Variants in MC4R observed in about 807,000 individuals in gnomAD.
MC4R encodes the protein melanocortin receptor 4.
MC4R carries 15 observed loss-of-function variants against 16.1 expected under a neutral mutation model. That is an observed-to-expected ratio of 0.93 (90% CI 0.62 to 1.44). The LOEUF (loss-of-function observed/expected upper bound fraction) is 1.44, where lower values mean the gene tolerates loss of function less well. Among genes scored for constraint, MC4R ranks in the 40% most tolerant of loss-of-function variants. The pLI is 0.00. For missense variants in MC4R, 416 were observed against 411.4 expected (o/e 1.01, Z -0.10); for synonymous variants, 162 against 151.7 (o/e 1.07, Z -0.50).
chr18:60,372,661 A>G lies in MC4R; in HGVS notation c.-312T>C, dbSNP rs562503589. ...TAATCTTATGCATTCAAGTCTGTTC[A>G]AAATAATTTTCCTTGAAGCTGCCAT... On this transcript the variant is annotated 5_prime_UTR_variant, in exon 1 of 1. The change abolishes the stop of an existing upstream ORF in the 5' untranslated region. Transcript: ENST00000299766. 3 of 400,238 alleles carry G rather than the reference A, an allele frequency of 7.5e-6. No homozygotes were observed. The highest frequency in any genetic ancestry group is 1.5e-5 in the Non-Finnish European group (3 of 204,352). 24.8% of individuals were successfully genotyped at this position (400,238 alleles called of 1,614,324 possible).
Position 60,372,494 on chromosome 18 carries a change from TC to T in MC4R, c.-146del. On this transcript the variant is annotated 5_prime_UTR_variant, in exon 1 of 1. It introduces an in-frame stop codon into an upstream open reading frame of the 5' UTR. Coordinates refer to ENST00000299766, the MANE Select transcript of MC4R (RefSeq NM_005912.3). Reference sequence around the variant, plus strand: ...GCCTGCTGTGAGTAAATGTCACAAGTCCAGAGCTTGACATGGAGTTTTTAGT... The same window carrying T: ...GCCTGCTGTGAGTAAATGTCACAAGTCAGAGCTTGACATGGAGTTTTTAGT... The T allele has an allele frequency of 1.2e-6, 1 of 818,140 alleles. No homozygotes were observed. The highest frequency in any genetic ancestry group is 2.1e-6 in the Non-Finnish European group (1 of 483,018). 50.7% of individuals were successfully genotyped at this position (818,140 alleles called of 1,614,324 possible).
Position 60,371,720 on chromosome 18 carries a change from A to G in MC4R, c.630T>C (p.Ser210=). 1 of 1,614,176 alleles carries G rather than the reference A, an allele frequency of 6.2e-7. No homozygotes were observed. Among genetic ancestry groups the G allele is most frequent in the Non-Finnish European group, 8.5e-7 (1 of 1,180,018 alleles). ...MFFTMLALMA[S]LYVHMFLMAR... is the part of the protein sequence containing the mutation. ...CCATCAGGAACATGTGGACATAGAG[A>G]GAAGCCATGAGAGCCAGCATGGTGA... Residue 210 remains serine, a synonymous_variant, in exon 1 of 1, where the codon TCT becomes TCC. Transcript: ENST00000299766.
In MC4R at chr18:60,372,417, T is replaced by C; in HGVS notation, c.-68A>G. 6.5e-7 allele frequency: 1 copy of C among 1,548,850 alleles called. No individual in the cohort carries two copies. On this transcript the variant is annotated 5_prime_UTR_variant, in exon 1 of 1. In the 5' UTR this introduces an upstream ATG that the reference lacks. Coordinates refer to ENST00000299766, the MANE Select transcript of MC4R (RefSeq NM_005912.3). ...TCCTGGGTCAGGGAGTCGTCTCAGT[T>C]ATTTCCTCCAAGTCTTTATCTGTCT...
chr18:60,371,302 G>A lies in MC4R; in HGVS notation c.*49C>T, dbSNP rs1473937155. The A allele has an allele frequency of 1.3e-6, 2 of 1,591,738 alleles. No individual in the cohort carries two copies. Among genetic ancestry groups the A allele is most frequent in the Admixed American group, 1.7e-5 (1 of 59,990 alleles). ...AGTACAATATTCAGGTAGGGTAAGAGTGAAAAAGTCTCTTATGCATGTTCC... is the reference window on the plus strand; with the variant it reads ...AGTACAATATTCAGGTAGGGTAAGAATGAAAAAGTCTCTTATGCATGTTCC... On this transcript the variant is annotated 3_prime_UTR_variant, in exon 1 of 1. Transcript: ENST00000299766.
chr18:60,371,975 A>T lies in MC4R; in HGVS notation c.375T>A (p.Ile125=). Residue 125 remains isoleucine (I), a synonymous_variant, in exon 1 of 1, where the codon ATT becomes ATA. Transcript: ENST00000299766. Reference sequence around the variant, plus strand: ...GCAAGGAGCTACAGATCACCGAGTCAATGACATTATCAATATTCACTGTGA... The same window carrying T: ...GCAAGGAGCTACAGATCACCGAGTCTATGACATTATCAATATTCACTGTGA... ...QSFTVNIDNV[I]DSVICSSLLA... 1.4e-5 allele frequency: 22 copies of T among 1,614,174 alleles called. No individual in the cohort carries two copies. The highest frequency in any genetic ancestry group is 1.9e-5 in the Non-Finnish European group (22 of 1,180,034).
Position 60,371,296 on chromosome 18 carries a change from G to T in MC4R, c.*55C>A. 1.3e-6 allele frequency: 2 copies of T among 1,549,818 alleles called. No individual in the cohort carries two copies. The highest frequency in any genetic ancestry group is 1.8e-6 in the Non-Finnish European group (2 of 1,123,506). ...TGCAGAAGTACAATATTCAGGTAGG[G>T]TAAGAGTGAAAAAGTCTCTTATGCA... is the stretch of plus-strand genomic sequence containing the variant. On this transcript the variant is annotated 3_prime_UTR_variant, in exon 1 of 1. Transcript: ENST00000299766.
rs372794914 is a variant in MC4R at position 60,372,319 on chromosome 18, T to C, written c.31A>G (p.Thr11Ala). 1.2e-4 allele frequency: 195 copies of C among 1,614,078 alleles called. No individual in the cohort carries two copies. Among genetic ancestry groups the C allele is most frequent in the Non-Finnish European group, 1.5e-4 (182 of 1,180,042 alleles). ...CTGCGGTTCCAGAGGTGCAGAGAAG[T>C]GTGCATCCCACGGTGGGTGGAGTTC... The part of the protein sequence containing the change: MVNSTHRGMH[T>A]SLHLWNRSSY... The change falls in exon 1 of 1, where the codon ACT becomes GCT. Residue 11 changes from threonine to alanine, a missense_variant. Physicochemically the swap from Thr to Ala is moderately conservative, Grantham distance 58 (BLOSUM62 0). Transcript: ENST00000299766.
rs201813179 is a variant in MC4R, at chr18:60,371,527, G to A, written c.823C>T (p.Pro275Ser). The A allele has an allele frequency of 6.2e-6, 10 of 1,614,048 alleles. No homozygotes were observed. The highest frequency in any genetic ancestry group is 3.3e-5 in the South Asian group (3 of 91,084). ...LIFYISCPQN[P>S]YCVCFMSHFN... ...TGAGACATGAAGCACACACAATATG[G>A]ATTCTGAGGACAAGAGATGTAGAAT... The change falls in exon 1 of 1, where the codon CCA (proline) becomes TCA (serine). Residue 275 changes from proline (P) to serine (S), a missense_variant. Transcript: ENST00000299766.
At position 60,372,235 on chromosome 18, in the gene MC4R, C is replaced by T. The variant is rs1915364068; in HGVS notation, c.115G>A (p.Gly39Arg). ...ESLGKGYSDG[G>R]CYEQLFVSPE... Reference sequence around the variant, plus strand: ...GAGACAAAAAGTTGCTCGTAGCACCCTCCATCAGAGTAGCCTTTTCCAAGG... The same window carrying T: ...GAGACAAAAAGTTGCTCGTAGCACCTTCCATCAGAGTAGCCTTTTCCAAGG... Residue 39 changes from glycine (G) to arginine (R), a missense_variant, in exon 1 of 1, where the codon GGG becomes AGG. By Grantham distance (125) the Gly-to-Arg change is moderately radical. Coordinates refer to ENST00000299766, the MANE Select transcript of MC4R (RefSeq NM_005912.3). 1 of 1,614,248 alleles carries T rather than the reference C, an allele frequency of 6.2e-7. No homozygotes were observed. The highest frequency in any genetic ancestry group is 1.3e-5 in the African/African-American group (1 of 75,064).
rs770469626 is a variant in MC4R, at chr18:60,372,275, G to T, written c.75C>A (p.Ser25Arg). The stretch of plus-strand genomic sequence containing the variant: ...CTTTTCCAAGGGACTCACTGGCATT[G>T]CTGTGCAGTCTGTAACTGCTGCGGT... ...LWNRSSYRLH[S>R]NASESLGKGY... Residue 25 changes from serine to arginine, a missense_variant, in exon 1 of 1, where the codon AGC becomes AGA. Ser to Arg is a moderately radical substitution (Grantham distance 110). Transcript: ENST00000299766. 2.5e-6 allele frequency: 4 copies of T among 1,614,224 alleles called. No homozygotes were observed. The South Asian group carries it at 4.4e-5, about 18-fold the overall frequency.
In MC4R at chr18:60,372,093, A is replaced by T; in HGVS notation, c.257T>A (p.Leu86Ter). Residue 86 changes from leucine to a stop codon, truncating the protein, a stop_gained, in exon 1 of 1, where the codon TTG (leucine) becomes TAG (stop). Coordinates refer to ENST00000299766, the MANE Select transcript of MC4R (RefSeq NM_005912.3). LOFTEE classifies it high-confidence loss of function. ...HSPMYFFICS[L>*]AVADMLVSVS... ...GCTCACCAGCATATCAGCCACAGCC[A>T]AGCTGCAGATGAAAAAGTACATGGG... 6.2e-7 allele frequency: 1 copy of T among 1,614,232 alleles called. No individual in the cohort carries two copies.
rs1481880873 is a variant in MC4R, at chr18:60,372,753, G to A, written c.-404C>T. On this transcript the variant is annotated 5_prime_UTR_variant, in exon 1 of 1. Transcript: ENST00000299766. ...TGCCTCTCGGAAGCTTCTGTTTCCA[G>A]CCTGAGCGTTGCTTTGAGTGTTAGG... 1 of 278,250 alleles carries A rather than the reference G, an allele frequency of 3.6e-6. No individual in the cohort carries two copies. Among genetic ancestry groups the A allele is most frequent in the African/African-American group, 2.2e-5 (1 of 44,874 alleles). 17.2% of individuals were successfully genotyped at this position (278,250 alleles called of 1,614,324 possible). A position where few individuals can be genotyped will look rare whatever the true frequency, so the allele number is the denominator to read the frequency against.
Position 60,371,839 on chromosome 18 carries a change from T to C in MC4R, c.511A>G (p.Ser171Gly), listed in dbSNP as rs756438149. ...ACCGTGCAAGCTGCCCAGATACAACTTATGATGATCCCAACCCGCTTAACT... is the reference window on the plus strand; with the variant it reads ...ACCGTGCAAGCTGCCCAGATACAACCTATGATGATCCCAACCCGCTTAACT... ...MTVKRVGIIISCIWAACTVSG... is the reference protein window; with the variant it reads ...MTVKRVGIIIGCIWAACTVSG... The change falls in exon 1 of 1, where the codon AGT becomes GGT. Residue 171 changes from serine (S) to glycine (G), a missense_variant. By Grantham distance (56) the Ser-to-Gly change is moderately conservative. Coordinates refer to ENST00000299766, the MANE Select transcript of MC4R (RefSeq NM_005912.3). 1.2e-6 allele frequency: 2 copies of C among 1,614,128 alleles called. No homozygotes were observed. The highest frequency in any genetic ancestry group is 2.2e-5 in the East Asian group (1 of 44,878).
Position 60,372,464 on chromosome 18 carries a change from G to T in MC4R, c.-115C>A. ...GTCTGAAAGTTGTGAGGCTAAAATTGCCATGCCTGCTGTGAGTAAATGTCA... is the reference window on the plus strand; with the variant it reads ...GTCTGAAAGTTGTGAGGCTAAAATTTCCATGCCTGCTGTGAGTAAATGTCA... On this transcript the variant is annotated 5_prime_UTR_variant, in exon 1 of 1. Coordinates refer to ENST00000299766, the MANE Select transcript of MC4R (RefSeq NM_005912.3). The T allele has an allele frequency of 1.8e-6, 2 of 1,129,980 alleles. No homozygotes were observed. The allele number at this position is 1,129,980 out of a possible 1,614,324, so 70.0% of individuals were successfully genotyped here.
At position 60,371,509 on chromosome 18, in the gene MC4R, T is replaced by C; in HGVS notation, c.841A>G (p.Met281Val). 1 of 1,614,120 alleles carries C rather than the reference T, an allele frequency of 6.2e-7. No homozygotes were observed. The highest frequency in any genetic ancestry group is 1.7e-5 in the Admixed American group (1 of 60,020). Residue 281 changes from methionine (M) to valine (V), a missense_variant, in exon 1 of 1, where the codon ATG becomes GTG. Transcript: ENST00000299766. ...CPQNPYCVCF[M>V]SHFNLYLILI... ...ATGAGATACAAGTTAAAGTGAGACA[T>C]GAAGCACACACAATATGGATTCTGA... is the stretch of plus-strand genomic sequence containing the variant.
rs777389542 is a variant in MC4R, at chr18:60,371,490, T to C, written c.860A>G (p.Tyr287Cys). 1 of 1,614,190 alleles carries C rather than the reference T, an allele frequency of 6.2e-7. No homozygotes were observed. Among genetic ancestry groups the C allele is most frequent in the South Asian group, 1.1e-5 (1 of 91,084 alleles). The change falls in exon 1 of 1, where the codon TAT (tyrosine) becomes TGT (cysteine). Residue 287 changes from tyrosine (Y) to cysteine (C), a missense_variant. Transcript: ENST00000299766. The stretch of plus-strand genomic sequence containing the variant: ...TGAATTACACATGATCAGTATGAGA[T>C]ACAAGTTAAAGTGAGACATGAAGCA... Reference protein sequence around the residue: ...CVCFMSHFNLYLILIMCNSII... With the variant: ...CVCFMSHFNLCLILIMCNSII...
At position 60,371,326 on chromosome 18, in the gene MC4R, C is replaced by A; in HGVS notation, c.*25G>T. On this transcript the variant is annotated 3_prime_UTR_variant, in exon 1 of 1. Transcript: ENST00000299766. ...AGTGAAAAAGTCTCTTATGCATGTT[C>A]CTATATTGCGTGCTCTGTCCCCATT... 1.2e-6 allele frequency: 2 copies of A among 1,613,236 alleles called. No individual in the cohort carries two copies. Among genetic ancestry groups the A allele is most frequent in the South Asian group, 1.1e-5 (1 of 90,940 alleles).
In MC4R at chr18:60,371,280, A is replaced by G; in HGVS notation, c.*71T>C. On this transcript the variant is annotated 3_prime_UTR_variant, in exon 1 of 1. Coordinates refer to ENST00000299766, the MANE Select transcript of MC4R (RefSeq NM_005912.3). Reference sequence around the variant, plus strand: ...CGGAAGAGAAAGCTGTTGCAGAAGTACAATATTCAGGTAGGGTAAGAGTGA... The same window carrying G: ...CGGAAGAGAAAGCTGTTGCAGAAGTGCAATATTCAGGTAGGGTAAGAGTGA... 2 of 1,466,272 alleles carry G rather than the reference A, an allele frequency of 1.4e-6. No homozygotes were observed. The highest frequency in any genetic ancestry group is 1.9e-6 in the Non-Finnish European group (2 of 1,049,180). The allele number at this position is 1,466,272 out of a possible 1,614,324, so 90.8% of individuals were successfully genotyped here. A position where few individuals can be genotyped will look rare whatever the true frequency, so the allele number is the denominator to read the frequency against.
chr18:60,371,966 C>T lies in MC4R; in HGVS notation c.384G>A (p.Val128=), dbSNP rs1033100729. 2.5e-6 allele frequency: 4 copies of T among 1,613,978 alleles called. No homozygotes were observed. In the African/African-American group the frequency reaches 5.3e-5, roughly 22 times the overall value. The change falls in exon 1 of 1, where the codon GTG becomes GTA. Residue 128 remains valine, a synonymous_variant. Transcript: ENST00000299766. ...TGGATGCAAGCAAGGAGCTACAGAT[C>T]ACCGAGTCAATGACATTATCAATAT... ...TVNIDNVIDS[V]ICSSLLASIC...
Sources: allele counts gnomAD v4.1 joint callset, GRCh38; gene constraint gnomAD v4.1.1; transcripts MANE v1.5; gene names NCBI Gene and HGNC (gene_info 2026-07-23, HGNC 2026-07-21).